The following ABCA13 variants were observed in gnomAD, a reference collection of about 807,000 sequenced individuals.
ABCA13 encodes the protein ATP binding cassette subfamily A member 13, also known as ATP-binding cassette sub-family A member 13.
In ABCA13, 476 loss-of-function variants were observed where a neutral mutation model predicts 478.7. The ratio of observed to expected loss-of-function variants is 0.99; its 90% CI spans 0.92 to 1.07. The LOEUF is 1.07. Ranked by LOEUF, ABCA13 falls within the 50% of genes least tolerant of loss-of-function variation. ABCA13 has a pLI of 0.00. For synonymous variants in ABCA13, 2,252 were observed against 2,158.9 expected, an observed-to-expected ratio of 1.04 and a Z score of -1.20; for missense variants, 6,060 against 5,910.6, an observed-to-expected ratio of 1.03 and a Z score of -0.83.
intron 58 of ABCA13, among the ~76,000 whole-genome samples, chr7:48,604,121 T>C (rs567030290): frequency 2.0e-5 from 3 of 152,222 alleles, no homozygotes; most frequent in Non-Finnish European, 4.4e-5. Flanking sequence ...TTCTTCTCTC[T>C]TTTCTTCTTT....
In ABCA13 at chr7:48,359,710, G is replaced by A. The variant is rs577088569; in HGVS notation, c.10688+7223G>A. Among the ~76,000 whole-genome samples the A allele has an allele frequency of 1.1e-3, 172 of 152,016 alleles. 2 individuals carry two copies. Among genetic ancestry groups the A allele is most frequent in the African/African-American group, 4.0e-3 (166 of 41,336 alleles). On this transcript the variant is annotated intron_variant, in intron 31 of 61. Transcript: ENST00000435803. ...GGAAATTTGCCTCCTCCCTGCACTT[G>A]CCTCAAAGTCCTACATCCTGAGAAA...
At chr7:48,632,983 CAT>C (rs1794288082) in intron 59 of ABCA13, among the ~76,000 whole-genome samples, 1 of 152,088 alleles carries the variant, frequency 6.6e-6, no homozygotes, top group African/African-American at 2.4e-5. Flanking sequence ...TAGAAGAAAA[CAT>C]AGGGATAAAT....
intron 20 of ABCA13, among the ~76,000 whole-genome samples, chr7:48,294,451 T>TG (rs2128825439): frequency 6.7e-6 from 1 of 148,344 alleles, no homozygotes; most frequent in East Asian, 2.0e-4. Flanking sequence ...TGTTTTGTTT[T>TG]TTTTTTGAGA....
At chr7:48,510,455 G>A (rs1478168598) in intron 50 of ABCA13, among the ~76,000 whole-genome samples, 3 of 152,160 alleles carry the variant, frequency 2.0e-5, no homozygotes, top group Non-Finnish European at 4.4e-5. Flanking sequence ...AGTGTGAGGA[G>A]CCTGTCCTTG....
chr7:48,427,441 CTT>C lies in ABCA13; in HGVS notation c.12460-324_12460-323del, dbSNP rs1308682224. Among the ~76,000 whole-genome samples the C allele has an allele frequency of 5.9e-5, 9 of 152,320 alleles. No individual in the cohort carries two copies. In the East Asian group the frequency reaches 1.7e-3, roughly 29 times the overall value. ...AGATGCTGGTACAGTGAGTCACAAA[CTT>C]AAGTTGAATTGGATACACTGTGTTG... On this transcript the variant is annotated intron_variant, in intron 41 of 61. Coordinates refer to ENST00000435803, the MANE Select transcript of ABCA13 (RefSeq NM_152701.5).
intron 59 of ABCA13, among the ~76,000 whole-genome samples, chr7:48,637,984 G>T (rs540178001): frequency 1.3e-5 from 2 of 152,138 alleles, no homozygotes; most frequent in Non-Finnish European, 2.9e-5. Context: ...TGGCATTGAA[G>T]GATGCACCAT....
rs148832631 is a variant in ABCA13, at chr7:48,454,298, C to T, written c.12566-739C>T. 8.5e-5 allele frequency among the ~76,000 whole-genome samples: 13 copies of T among 152,324 alleles called. No homozygotes were observed. In the East Asian group the frequency reaches 2.5e-3, roughly 29 times the overall value. On this transcript the variant is annotated intron_variant, in intron 42 of 61. Transcript: ENST00000435803. ...ACCCAGTGGACAGAAAAGCTGCTCTCCACAGCTTGTTTGGAACGTGCAACC... is the reference window on the plus strand; with the variant it reads ...ACCCAGTGGACAGAAAAGCTGCTCTTCACAGCTTGTTTGGAACGTGCAACC...
chr7:48,644,196 G>C (rs1382018616), intron 60 of ABCA13, among the ~76,000 whole-genome samples: 1 of 152,166 alleles, frequency 6.6e-6, no homozygotes, highest in Non-Finnish European at 1.5e-5. Context: ...TGAAGACAAG[G>C]ATCAGAGGTT....
intron 35 of ABCA13, among the ~76,000 whole-genome samples, chr7:48,376,822 C>T (rs1813555819): frequency 6.6e-6 from 1 of 152,052 alleles, no homozygotes; most frequent in East Asian, 1.9e-4. Context: ...CCAGGCCCAC[C>T]AAGCAGCTCC....
chr7:48,337,480 A>G (rs533308605), intron 28 of ABCA13, among the ~76,000 whole-genome samples: 2 of 152,354 alleles, frequency 1.3e-5, no homozygotes, highest in East Asian at 3.9e-4. Flanking sequence ...TATCACATGT[A>G]ATAAGGTGAA....
chr7:48,426,947 G>A (rs375309737), intron 41 of ABCA13, among the ~76,000 whole-genome samples: 3 of 151,864 alleles, frequency 2.0e-5, no homozygotes, highest in East Asian at 3.9e-4. Flanking sequence ...AGACAGAGCC[G>A]GCCCACATCT....
At position 48,249,393 on chromosome 7, in the gene ABCA13, C is replaced by T. The variant is rs1526098; in HGVS notation, c.2005+42C>T. The T allele has an allele frequency of 9.2e-5, 148 of 1,605,832 alleles. 1 individual carries two copies. The highest frequency in any genetic ancestry group is 8.0e-4 in the Admixed American group (47 of 59,048). ...AACTACAGGAATGGGGGATGCTTTC[C>T]CCTTTTAGTGAGGTGACATAATTTC... On this transcript the variant is annotated intron_variant, in intron 15 of 61. Transcript: ENST00000435803.
rs747184593 is a variant in ABCA13, at chr7:48,507,870, A to G, written c.13347-2A>G. The G allele has an allele frequency of 6.2e-7, 1 of 1,603,232 alleles. No individual in the cohort carries two copies. The highest frequency in any genetic ancestry group is 1.3e-5 in the African/African-American group (1 of 74,776). On this transcript the variant is annotated splice_acceptor_variant, in intron 49 of 61. Transcript: ENST00000435803. LOFTEE classifies it high-confidence loss of function. Reference sequence around the variant, plus strand: ...CTGAGAGCTGCTCTGTTCCACCCGCAGCCTGGAGAGCATCCGTCAGTGTGG... The same window carrying G: ...CTGAGAGCTGCTCTGTTCCACCCGCGGCCTGGAGAGCATCCGTCAGTGTGG...
Position 48,249,283 on chromosome 7 carries a change from T to A in ABCA13, c.1937T>A (p.Phe646Tyr), listed in dbSNP as rs1364985651. 3.1e-6 allele frequency: 5 copies of A among 1,613,346 alleles called. No homozygotes were observed. The highest frequency in any genetic ancestry group is 4.2e-6 in the Non-Finnish European group (5 of 1,179,548). Residue 646 changes from phenylalanine (F) to tyrosine (Y), a missense_variant, in exon 15 of 62, where the codon TTT becomes TAT. By Grantham distance (22) the Phe-to-Tyr change is conservative (BLOSUM62 3). Transcript: ENST00000435803. ...TATTATTGGAAAGCCTTCAAAAAGT[T>A]TATCAGGAAGACTTGCGAAGTGGCC... ...QAYYWKAFKK[F>Y]IRKTCEVAQY... is the part of the protein sequence containing the mutation.
Position 48,441,886 on chromosome 7 carries a change from G to A in ABCA13, c.12566-13151G>A, listed in dbSNP as rs1345929971. ...ATGATAAAAATGCTAACCTTACTGCGAAAAAAATGAAAACTGTGCGATGAG... is the reference window on the plus strand; with the variant it reads ...ATGATAAAAATGCTAACCTTACTGCAAAAAAAATGAAAACTGTGCGATGAG... On this transcript the variant is annotated intron_variant, in intron 42 of 61. Coordinates refer to ENST00000435803, the MANE Select transcript of ABCA13 (RefSeq NM_152701.5). Among the ~76,000 whole-genome samples, 6 of 152,060 alleles carry A rather than the reference G, an allele frequency of 3.9e-5. No individual in the cohort carries two copies. The East Asian group carries it at 7.7e-4, about 20-fold the overall frequency.
chr7:48,227,040 C>A (rs891018897), intron 5 of ABCA13, among the ~76,000 whole-genome samples: 20 of 151,816 alleles, frequency 1.3e-4, no homozygotes, highest in Admixed American at 1.3e-3. Flanking sequence ...CCTCCTTGTC[C>A]ATATTTTTAA....
chr7:48,580,830 CCTGCCAGGGGATTCCTT>C (rs567026160), intron 56 of ABCA13, among the ~76,000 whole-genome samples: 3 of 151,670 alleles, frequency 2.0e-5, no homozygotes, highest in South Asian at 2.1e-4. Flanking sequence ...ACAGATTCCT[CCTGCCAGGGGATTCCTT>C]CTGCCAGGGG....
chr7:48,268,998 C>T lies in ABCA13; in HGVS notation c.2024C>T (p.Pro675Leu). Reference sequence around the variant, plus strand: ...TATTTAGCTTTTCCTGAGGAATCTCCTTGTTTTGAAGAAAACATGGATTGG... The same window carrying T: ...TATTTAGCTTTTCCTGAGGAATCTCTTTGTTTTGAAGAAAACATGGATTGG... ...NRLLAFPEESPCFEENMDWKM... is the reference protein window; with the variant it reads ...NRLLAFPEESLCFEENMDWKM... Residue 675 changes from proline to leucine, a missense_variant, in exon 16 of 62, where the codon CCT (proline) becomes CTT (leucine). Physicochemically the swap from Pro to Leu is moderately conservative, Grantham distance 98. This residue lies in a region of ABCA13 where 4,423 missense variants were observed against 4,309.1 expected (regional missense o/e 1.03). Coordinates refer to ENST00000435803, the MANE Select transcript of ABCA13 (RefSeq NM_152701.5). 1.3e-6 allele frequency: 2 copies of T among 1,585,100 alleles called. No individual in the cohort carries two copies. The highest frequency in any genetic ancestry group is 1.7e-6 in the Non-Finnish European group (2 of 1,156,964).
chr7:48,362,881 A>G (rs1374224696), intron 31 of ABCA13, among the ~76,000 whole-genome samples: 2 of 152,096 alleles, frequency 1.3e-5, no homozygotes, highest in Non-Finnish European at 2.9e-5. Context: ...ACATTTGCCA[A>G]TATTTTAAAA....
Sources: allele counts gnomAD v4.1 joint callset (sites outside exome capture counted in the v4.1 genomes callset), GRCh38; gene constraint gnomAD v4.1.1; regional missense constraint gnomAD v4.1.1; transcripts MANE v1.5; gene names NCBI Gene and HGNC (gene_info 2026-07-23, HGNC 2026-07-21).